SI: variants seen among roughly 807,000 people sequenced by gnomAD.
SI encodes the protein sucrase-isomaltase, intestinal.
In SI, 235 loss-of-function variants were observed where a neutral mutation model predicts 253.3. The ratio of observed to expected loss-of-function variants is 0.93; its 90% CI spans 0.83 to 1.03. SI has a LOEUF of 1.03. Among genes scored for constraint, SI ranks in the 50% least tolerant of loss-of-function variants. SI has a pLI of 0.00. For missense variants in SI, 2,442 were observed against 2,211.1 expected (o/e 1.10, Z -2.09); for synonymous variants, 819 against 712.0 (o/e 1.15, Z -2.39).
At chr3:165,003,443 A>G (rs914126426) in intron 37 of SI, among the ~76,000 whole-genome samples, 1 of 152,052 alleles carries the variant, frequency 6.6e-6, no homozygotes, top group African/African-American at 2.4e-5. Flanking sequence ...GTGAAAAGGC[A>G]TTGTTCAATG....
At chr3:165,055,121 G>A (rs1386616246) in intron 13 of SI, 73 bp downstream of exon 13, 9 of 884,798 alleles carry the variant, frequency 1.0e-5, no homozygotes, top group Non-Finnish European at 1.5e-5. Flanking sequence ...ATATTTTGTT[G>A]ACTTAGTAAT....
At chr3:165,015,911 G>A (rs1719002103) in intron 32 of SI, 41 bp downstream of exon 32, 1 of 1,565,446 alleles carries the variant, frequency 6.4e-7, no homozygotes, top group Non-Finnish European at 8.8e-7. Context: ...GTGAATTAAT[G>A]GAAACAAGAA....
intron 25 of SI, among the ~76,000 whole-genome samples, chr3:165,029,830 T>C (rs1712141797): frequency 6.7e-6 from 1 of 150,282 alleles, no homozygotes; most frequent in Admixed American, 6.7e-5. Flanking sequence ...TAAGAGAAGG[T>C]TTAGAGAAGT....
At chr3:165,039,483 C>T (rs1373629272) in intron 19 of SI, among the ~76,000 whole-genome samples, 4 of 151,924 alleles carry the variant, frequency 2.6e-5, no homozygotes, top group African/African-American at 9.7e-5. Flanking sequence ...TAATAATTAC[C>T]AACCCACTCC....
intron 28 of SI, among the ~76,000 whole-genome samples, 156 bp from the exon 29 acceptor site, chr3:165,018,222 C>T (rs1307124908): frequency 2.0e-5 from 3 of 151,296 alleles, no homozygotes; most frequent in African/African-American, 7.3e-5. Flanking sequence ...AATGTGTCTC[C>T]CTAGAATATA....
chr3:165,038,778 G>A (rs1429743991), intron 20 of SI, among the ~76,000 whole-genome samples: 1 of 151,848 alleles, frequency 6.6e-6, no homozygotes, highest in African/African-American at 2.4e-5. Context: ...ATTAAAATAA[G>A]TTGCCACTCC....
chr3:165,087,509 C>T, the SI span, among the ~76,000 whole-genome samples: 1 of 152,118 alleles, frequency 6.6e-6, no homozygotes, highest in Non-Finnish European at 1.5e-5. Flanking sequence ...ACCACCCCTG[C>T]TTCAATCTTA....
At chr3:165,033,485 T>C (rs546389562) in intron 22 of SI, 41 bp from the exon 23 acceptor site, 11 of 1,446,286 alleles carry the variant, frequency 7.6e-6, no homozygotes, top group Admixed American at 2.2e-5. Flanking sequence ...AATGCAATGT[T>C]AAATTCTCTG....
intron 35 of SI, among the ~76,000 whole-genome samples, chr3:165,008,980 T>G (rs899739950): frequency 3.3e-5 from 5 of 152,030 alleles, no homozygotes; most frequent in Admixed American, 1.3e-4. Flanking sequence ...AGCCTGACAC[T>G]TATTCCTATA....
At chr3:165,069,877 CT>C (rs1010718702) in intron 3 of SI, among the ~76,000 whole-genome samples, 14 of 151,426 alleles carry the variant, frequency 9.2e-5, no homozygotes, top group African/African-American at 2.9e-4. Flanking sequence ...AATTATAAAT[CT>C]ATGTAAATTT....
intron 24 of SI, 73 bp from the exon 25 acceptor site, chr3:165,030,940 T>C: frequency 6.8e-7 from 1 of 1,477,596 alleles, no homozygotes; most frequent in South Asian, 1.3e-5. Flanking sequence ...AAACACTGTA[T>C]CTGATCATTG....
chr3:165,017,625 A>T lies in SI; in HGVS notation c.3682T>A (p.Leu1228Ile), dbSNP rs1210550998. ...GTATTTGCATATCCATAACGACATAATTGGAATCCCAAAGCCCAATAAGCT... is the reference window on the plus strand; with the variant it reads ...GTATTTGCATATCCATAACGACATATTTGGAATCCCAAAGCCCAATAAGCT... ...MPAYWALGFQ[L>I]CRYGYANTSE... The change falls in exon 31 of 48, where the codon TTA (leucine) becomes ATA (isoleucine). Residue 1228 changes from leucine (L) to isoleucine (I), a missense_variant. Physicochemically the swap from Leu to Ile is conservative, Grantham distance 5. Transcript: ENST00000264382. 5 of 1,612,850 alleles carry T rather than the reference A, an allele frequency of 3.1e-6. No individual in the cohort carries two copies. The highest frequency in any genetic ancestry group is 4.2e-6 in the Non-Finnish European group (5 of 1,179,118).
At chr3:164,998,407 A>G in intron 38 of SI, 133 bp downstream of exon 38, 1 of 878,038 alleles carries the variant, frequency 1.1e-6, no homozygotes. Flanking sequence ...TCTTTTTCTG[A>G]TGCTATATGA....
rs772538841 is a variant in SI, at chr3:164,991,444, T to C, written c.5017A>G (p.Thr1673Ala). The C allele has an allele frequency of 1.2e-6, 2 of 1,613,592 alleles. No homozygotes were observed. The highest frequency in any genetic ancestry group is 2.2e-5 in the South Asian group (2 of 91,080). Residue 1673 changes from threonine (T) to alanine (A), a missense_variant, in exon 44 of 48, where the codon ACA becomes GCA. By Grantham distance (58) the Thr-to-Ala change is moderately conservative. Transcript: ENST00000264382. ...KDIGVRGQFQ[T>A]FNASYDTINL... ...ATTGTGTCATAAGAAGCATTAAATGTTTGAAATTGTCCTCTGACGCCAATA... is the reference window on the plus strand; with the variant it reads ...ATTGTGTCATAAGAAGCATTAAATGCTTGAAATTGTCCTCTGACGCCAATA...
At chr3:165,071,578 C>T (rs1159961204) in intron 3 of SI, among the ~76,000 whole-genome samples, 2 of 151,648 alleles carry the variant, frequency 1.3e-5, no homozygotes, top group Non-Finnish European at 2.9e-5. Context: ...ATTATGCCCC[C>T]GAAATTCATA....
At position 165,046,872 on chromosome 3, in the gene SI, A is replaced by G; in HGVS notation, c.1856T>C (p.Met619Thr). The G allele has an allele frequency of 6.2e-7, 1 of 1,613,264 alleles. No individual in the cohort carries two copies. The highest frequency in any genetic ancestry group is 8.5e-7 in the Non-Finnish European group (1 of 1,179,474). ...TATTCCAAACAAACTGAACTCCAGC[A>G]TTCCAGTTATAGACCATTCCATTTG... ...WEQMEWSITG[M>T]LEFSLFGIPL... The change falls in exon 16 of 48, where the codon ATG becomes ACG. Residue 619 changes from methionine (M) to threonine (T), a missense_variant. Physicochemically the swap from Met to Thr is moderately conservative, Grantham distance 81. Transcript: ENST00000264382.
Position 165,017,824 on chromosome 3 carries a change from C to A in SI, c.3570G>T (p.Gly1190=). 1 of 1,613,030 alleles carries A rather than the reference C, an allele frequency of 6.2e-7. No homozygotes were observed. Among genetic ancestry groups the A allele is most frequent in the Non-Finnish European group, 8.5e-7 (1 of 1,179,336 alleles). Residue 1190 remains glycine (G), a synonymous_variant, in exon 30 of 48, where the codon GGG becomes GGT. Transcript: ENST00000264382. ...CCAAAAACATATAAAAATCCAAGAT[C>A]CCTCCAACTGTACGGTAAGTTAGAG... The part of the protein sequence containing the change: ...TPALTYRTVG[G]ILDFYMFLGP...
chr3:165,051,450 G>C (rs943723002), intron 13 of SI, among the ~76,000 whole-genome samples: 1 of 151,882 alleles, frequency 6.6e-6, no homozygotes, highest in African/African-American at 2.4e-5. Context: ...TTTTGAAATT[G>C]TCTGGAATGT....
chr3:165,016,452 A>G (rs1468461183), intron 31 of SI, among the ~76,000 whole-genome samples: 1 of 152,024 alleles, frequency 6.6e-6, no homozygotes, highest in Non-Finnish European at 1.5e-5. Context: ...TTTGTACAGT[A>G]TATACAGAAA....
Sources: allele counts gnomAD v4.1 joint callset (sites outside exome capture counted in the v4.1 genomes callset), GRCh38; gene constraint gnomAD v4.1.1; transcripts MANE v1.5; gene names NCBI Gene and HGNC (gene_info 2026-07-23, HGNC 2026-07-21).